TAB2: variants seen among roughly 807,000 people sequenced by gnomAD.
The protein encoded by TAB2 is TGF-beta-activated kinase 1 and MAP3K7-binding protein 2.
Under a neutral mutation model 65.0 loss-of-function variants are expected in TAB2, and 3 were observed. The observed-to-expected ratio is 0.05, with a 90% CI of 0.02 to 0.12. The LOEUF is 0.12. Among genes scored for constraint, TAB2 ranks in the 10% least tolerant of loss-of-function variants. The probability of loss-of-function intolerance (pLI) is 1.00; values close to 1 mark genes in which losing one functional copy is unlikely to be tolerated. For synonymous variants in TAB2, 298 were observed against 285.1 expected (o/e 1.05, Z -0.46); for missense variants, 623 against 840.3 (o/e 0.74, Z 3.20).
chr6:149,252,394 C>G (rs1405857340), intron 1 of TAB2, among the ~76,000 whole-genome samples: 1 of 136,000 alleles, frequency 7.4e-6, no homozygotes, highest in Non-Finnish European at 1.5e-5. Flanking sequence ...GAGCAAAACT[C>G]TGCCTCAAAA....
At chr6:149,354,838 A>G (rs946673658) in intron 1 of TAB2, among the ~76,000 whole-genome samples, 2 of 152,150 alleles carry the variant, frequency 1.3e-5, no homozygotes, top group African/African-American at 4.8e-5. Context: ...ACCATAGTTT[A>G]CACATCACTA....
rs1402784544 is a variant in TAB2 at position 149,229,160 on chromosome 6, C to T, written c.-121+10384C>T. 2.6e-5 allele frequency among the ~76,000 whole-genome samples: 4 copies of T among 152,118 alleles called. No homozygotes were observed. In the East Asian group the frequency reaches 7.7e-4, roughly 29 times the overall value. Reference sequence around the variant, plus strand: ...TCCACGCAGAAACAAAGCAAGCCAGCCGTCTAAAACCTAAGGATAGGGCAG... The same window carrying T: ...TCCACGCAGAAACAAAGCAAGCCAGTCGTCTAAAACCTAAGGATAGGGCAG... On this transcript the variant is annotated intron_variant, in intron 1 of 1. Coordinates refer to the TAB2 transcript ENST00000606202.
At chr6:149,267,161 A>G in intron 1 of TAB2, among the ~76,000 whole-genome samples, 1 of 152,080 alleles carries the variant, frequency 6.6e-6, no homozygotes, top group East Asian at 1.9e-4. Context: ...GATTTGAGGG[A>G]GACTGGGAGG....
At chr6:149,275,840 A>C (rs1778461614) in intron 1 of TAB2, among the ~76,000 whole-genome samples, 2 of 152,316 alleles carry the variant, frequency 1.3e-5, no homozygotes, top group Middle Eastern at 3.4e-3. Flanking sequence ...AAATTCCAAC[A>C]GTGGGACGTT....
At chr6:149,338,413 A>T (rs1008347524) in intron 1 of TAB2, among the ~76,000 whole-genome samples, 4 of 152,232 alleles carry the variant, frequency 2.6e-5, no homozygotes, top group Non-Finnish European at 5.9e-5. Flanking sequence ...TGTTAATTAC[A>T]AAATGGATGC....
chr6:149,251,145 G>A (rs1016754007), intron 1 of TAB2, among the ~76,000 whole-genome samples: 2 of 152,216 alleles, frequency 1.3e-5, no homozygotes, highest in African/African-American at 4.8e-5. Flanking sequence ...TCCTGGAGAT[G>A]CAGTACCATA....
At chr6:149,350,097 A>G (rs1562428133) in intron 1 of TAB2, among the ~76,000 whole-genome samples, 1 of 151,864 alleles carries the variant, frequency 6.6e-6, no homozygotes, top group South Asian at 2.1e-4. Context: ...ACGCCTGGCT[A>G]ATTTTTGTAT....
At chr6:149,299,670 T>C (rs948213936) in intron 1 of TAB2, among the ~76,000 whole-genome samples, 1 of 152,194 alleles carries the variant, frequency 6.6e-6, no homozygotes, top group African/African-American at 2.4e-5. Context: ...TGTACTCAAG[T>C]ATTTATTAGA....
At chr6:149,268,092 A>G (rs1208560440) in intron 1 of TAB2, among the ~76,000 whole-genome samples, 1 of 152,206 alleles carries the variant, frequency 6.6e-6, no homozygotes, top group Non-Finnish European at 1.5e-5. Flanking sequence ...GGCTTTCAGT[A>G]CCAGAAAAGT....
chr6:149,396,264 C>A (rs1782165782), intron 3 of TAB2, among the ~76,000 whole-genome samples: 1 of 152,218 alleles, frequency 6.6e-6, no homozygotes, highest in Non-Finnish European at 1.5e-5. Context: ...ATGATCCACC[C>A]TTCTCGGCCT....
At chr6:149,380,659 A>G (rs1290771992) in intron 3 of TAB2, among the ~76,000 whole-genome samples, 4 of 152,212 alleles carry the variant, frequency 2.6e-5, no homozygotes, top group Admixed American at 6.5e-5. Flanking sequence ...AGATGAACTG[A>G]GCCTTTTAGA....
chr6:149,230,373 C>T (rs1346181731), intron 1 of TAB2, among the ~76,000 whole-genome samples: 1 of 152,192 alleles, frequency 6.6e-6, no homozygotes, highest in Admixed American at 6.5e-5. Flanking sequence ...CCTGTGGACA[C>T]CCCTAAGCTC....
chr6:149,332,970 C>G (rs1203264572), intron 1 of TAB2, among the ~76,000 whole-genome samples: 1 of 152,112 alleles, frequency 6.6e-6, no homozygotes, highest in Non-Finnish European at 1.5e-5. Context: ...TAATTTATAT[C>G]TTTCTAGCAC....
intron 6 of TAB2, among the ~76,000 whole-genome samples, chr6:149,401,880 CA>C (rs1401341409): frequency 1.3e-5 from 2 of 150,084 alleles, no homozygotes; most frequent in Non-Finnish European, 1.5e-5. Context: ...AGAAGGAAAT[CA>C]AAAGGGAATC....
chr6:149,307,008 G>A (rs530647089), intron 1 of TAB2, among the ~76,000 whole-genome samples: 3 of 152,058 alleles, frequency 2.0e-5, no homozygotes, highest in Non-Finnish European at 2.9e-5. Context: ...CTAAACTTGG[G>A]ACCTATATGA....
At chr6:149,400,352 CTT>C in intron 6 of TAB2, 1 of 1,602,694 alleles carries the variant, frequency 6.2e-7, no homozygotes, top group Non-Finnish European at 8.5e-7. Context: ...CCCGCCACCT[CTT>C]TTGTGAAGCA....
At chr6:149,350,617 CTTTT>C (rs150204735) in intron 1 of TAB2, among the ~76,000 whole-genome samples, 2 of 92,510 alleles carry the variant, frequency 2.2e-5, no homozygotes, top group African/African-American at 4.3e-5. Context: ...TATTTTATGT[CTTTT>C]TTTTTTTTTT....
chr6:149,223,368 G>T (rs1777196445), intron 1 of TAB2, among the ~76,000 whole-genome samples: 1 of 152,216 alleles, frequency 6.6e-6, no homozygotes. Context: ...CAGCTAAACA[G>T]AAATTAAAAC....
At chr6:149,237,613 C>A (rs1252737025) in intron 1 of TAB2, among the ~76,000 whole-genome samples, 3 of 152,218 alleles carry the variant, frequency 2.0e-5, no homozygotes, top group African/African-American at 4.8e-5. Flanking sequence ...CATGCTTTAA[C>A]AACAAACCCC....
Sources: gnomAD v4.1 joint callset for allele counts (sites outside exome capture counted in the v4.1 genomes callset) on GRCh38, gnomAD v4.1.1 for gene constraint, MANE v1.5 for transcripts, NCBI Gene and HGNC (gene_info 2026-07-23, HGNC 2026-07-21) for gene names.